NRXN1: variants seen among roughly 807,000 people sequenced by gnomAD.
NRXN1 encodes the protein neurexin 1, also known as neurexin-1.
NRXN1 carries 39 observed loss-of-function variants against 150.9 expected under a neutral mutation model. The observed-to-expected ratio is 0.26, with a 90% CI of 0.20 to 0.34. The LOEUF is 0.34. NRXN1 is among the 10% of genes least tolerant of loss of function. The pLI, the probability that NRXN1 is intolerant of heterozygous loss-of-function variation, is 1.00. For missense variants in NRXN1, 1,815 were observed against 1,949.9 expected (o/e 0.93, Z 1.30); for synonymous variants, 924 against 757.0 (o/e 1.22, Z -3.62).
chr2:50,563,174 T>C (rs1158018093), intron 8 of NRXN1, among the ~76,000 whole-genome samples: 2 of 152,196 alleles, frequency 1.3e-5, no homozygotes, highest in Admixed American at 6.5e-5. Flanking sequence ...TTCTAAAACA[T>C]AGCAAGTTAT....
chr2:50,922,729 G>T, intron 3 of NRXN1, 42 bp from the exon 4 acceptor site: 1 of 1,600,392 alleles, frequency 6.2e-7, no homozygotes, highest in Non-Finnish European at 8.5e-7. Context: ...AAACAAGGGA[G>T]CATGGGAAGG....
chr2:50,735,279 T>A (rs1462940404), intron 5 of NRXN1, among the ~76,000 whole-genome samples: 1 of 152,136 alleles, frequency 6.6e-6, no homozygotes, highest in Non-Finnish European at 1.5e-5. Flanking sequence ...TAATTTATAC[T>A]TTTCATATGC....
intron 2 of NRXN1, among the ~76,000 whole-genome samples, chr2:50,989,288 T>C (rs1038902715): frequency 6.6e-6 from 1 of 152,034 alleles, no homozygotes; most frequent in East Asian, 1.9e-4. Context: ...TATGACTACA[T>C]TCAATATTTG....
chr2:50,818,859 T>A (rs1039058258), intron 5 of NRXN1, among the ~76,000 whole-genome samples: 4 of 152,118 alleles, frequency 2.6e-5, no homozygotes, highest in African/African-American at 9.7e-5. Context: ...AAAGAACTTG[T>A]TTAGACATTT....
chr2:50,627,418 A>C (rs1430778806), intron 5 of NRXN1, among the ~76,000 whole-genome samples: 1 of 148,768 alleles, frequency 6.7e-6, no homozygotes, highest in Admixed American at 6.7e-5. Context: ...ATTATATATG[A>C]AAACAATTTA....
At chr2:50,395,739 G>C (rs2176855) in intron 17 of NRXN1, among the ~76,000 whole-genome samples, 23,992 of 152,088 alleles carry the variant, frequency 0.16, 3,054 homozygotes, top group East Asian at 0.38. Context: ...GAGGTATAAG[G>C]TTCCCTATTT....
chr2:50,655,875 G>T (rs1333192990), intron 5 of NRXN1, among the ~76,000 whole-genome samples: 4 of 151,862 alleles, frequency 2.6e-5, no homozygotes, highest in African/African-American at 4.8e-5. Context: ...AATAAGAAAA[G>T]AAATTCTCTG....
chr2:50,996,440 T>A (rs555239981), intron 2 of NRXN1, among the ~76,000 whole-genome samples: 1 of 152,224 alleles, frequency 6.6e-6, no homozygotes, highest in East Asian at 1.9e-4. Context: ...CAGCTTAACT[T>A]TTACATGTAT....
intron 2 of NRXN1, among the ~76,000 whole-genome samples, chr2:51,023,436 C>A (rs1227263226): frequency 2.0e-5 from 3 of 152,200 alleles, no homozygotes; most frequent in East Asian, 3.9e-4. Flanking sequence ...CCATCTCCTG[C>A]ATCAGAATTC....
In NRXN1 at chr2:50,953,336, G is replaced by A. The variant is rs111626793; in HGVS notation, c.773-27381C>T. 1.9e-3 allele frequency among the ~76,000 whole-genome samples: 289 copies of A among 152,222 alleles called. 4 individuals are homozygous for A. Among genetic ancestry groups the A allele is most frequent in the African/African-American group, 6.7e-3 (280 of 41,536 alleles). On this transcript the variant is annotated intron_variant, in intron 2 of 22. Transcript: ENST00000401669. ...ATGCTTCAGAAGCCCATAACAAATT[G>A]TCTGGAATATAGTAGTTAAGTCAAT...
chr2:50,284,771 T>A (rs560032824), intron 17 of NRXN1, among the ~76,000 whole-genome samples: 3 of 152,288 alleles, frequency 2.0e-5, no homozygotes, highest in South Asian at 2.1e-4. Context: ...CATACAAAAT[T>A]TATATATTTA....
intron 18 of NRXN1, among the ~76,000 whole-genome samples, chr2:50,187,742 T>C (rs1451072186): frequency 6.6e-6 from 1 of 152,106 alleles, no homozygotes; most frequent in Admixed American, 6.6e-5. Context: ...TCCATTTGTG[T>C]CCTCTCTTAT....
At chr2:50,610,364 TC>T (rs1308634563) in intron 8 of NRXN1, among the ~76,000 whole-genome samples, 4 of 151,828 alleles carry the variant, frequency 2.6e-5, no homozygotes, top group African/African-American at 9.7e-5. Flanking sequence ...TGAGCTTCAG[TC>T]CCATACAATA....
chr2:50,760,093 G>A (rs904140164), intron 5 of NRXN1, among the ~76,000 whole-genome samples: 5 of 151,710 alleles, frequency 3.3e-5, no homozygotes, highest in African/African-American at 4.8e-5. Flanking sequence ...TTAAAATCTC[G>A]CTGCACACAG....
intron 5 of NRXN1, among the ~76,000 whole-genome samples, chr2:50,826,841 G>C (rs1262536321): frequency 6.6e-6 from 1 of 152,158 alleles, no homozygotes; most frequent in Non-Finnish European, 1.5e-5. Flanking sequence ...GCTCATTGCA[G>C]AGATCAGGAT....
At chr2:50,758,174 C>T (rs148631324) in intron 5 of NRXN1, 1 of 151,780 alleles carries the variant, frequency 6.6e-6, no homozygotes, top group Non-Finnish European at 1.5e-5. Context: ...GTTTAACCAA[C>T]GCAGAGACCA....
At chr2:50,249,664 G>A (rs1012491438) in intron 17 of NRXN1, among the ~76,000 whole-genome samples, 7 of 148,158 alleles carry the variant, frequency 4.7e-5, no homozygotes, top group East Asian at 2.0e-4. Context: ...TTGAGATGGC[G>A]TCGCACTCTG....
At chr2:50,081,264 G>C (rs1697921082) in intron 19 of NRXN1, among the ~76,000 whole-genome samples, 1 of 152,092 alleles carries the variant, frequency 6.6e-6, no homozygotes, top group South Asian at 2.1e-4. Context: ...TTGTTTATTA[G>C]AAGTTAAGTG....
intron 18 of NRXN1, among the ~76,000 whole-genome samples, chr2:50,100,573 A>T (rs918125866): frequency 2.0e-5 from 3 of 152,100 alleles, no homozygotes; most frequent in African/African-American, 7.2e-5. Flanking sequence ...ACAGTATTTG[A>T]GAAGACATTC....
Sources: gnomAD v4.1 joint callset for allele counts (sites outside exome capture counted in the v4.1 genomes callset) on GRCh38, gnomAD v4.1.1 for gene constraint, MANE v1.5 for transcripts, NCBI Gene and HGNC (gene_info 2026-07-23, HGNC 2026-07-21) for gene names.